SNX5: variants seen among roughly 807,000 people sequenced by gnomAD.
SNX5 encodes the protein sorting nexin-5.
SNX5 carries 31 observed loss-of-function variants against 53.9 expected under a neutral mutation model. That is an observed-to-expected ratio of 0.58 (90% CI 0.43 to 0.78). The LOEUF is 0.78. Among genes scored for constraint, SNX5 ranks in the 30% least tolerant of loss-of-function variants. The pLI, the probability that SNX5 is intolerant of heterozygous loss-of-function variation, is 0.00. For synonymous variants in SNX5, 168 were observed against 171.1 expected, an observed-to-expected ratio of 0.98 and a Z score of 0.14; for missense variants, 471 against 478.8, an observed-to-expected ratio of 0.98 and a Z score of 0.15.
chr20:17,953,186 C>G (rs1410163154), intron 4 of SNX5, among the ~76,000 whole-genome samples: 1 of 152,116 alleles, frequency 6.6e-6, no homozygotes, highest in African/African-American at 2.4e-5. Flanking sequence ...TTCCCCAGAG[C>G]TGGTCCCGAG....
intron 2 of SNX5, among the ~76,000 whole-genome samples, chr20:17,956,285 T>C (rs1039419516): frequency 6.6e-6 from 1 of 152,244 alleles, no homozygotes; most frequent in Non-Finnish European, 1.5e-5. Flanking sequence ...CCAGTCTTTT[T>C]ACACTACCTC....
At chr20:17,955,827 C>A (rs1339796010) in intron 2 of SNX5, among the ~76,000 whole-genome samples, 1 of 152,084 alleles carries the variant, frequency 6.6e-6, no homozygotes, top group African/African-American at 2.4e-5. Context: ...TGGCTGTCAC[C>A]CAGGCTGGAG....
intron 1 of SNX5, among the ~76,000 whole-genome samples, chr20:17,959,530 C>T (rs535236699): frequency 6.2e-4 from 94 of 152,308 alleles, no homozygotes; most frequent in African/African-American, 2.1e-3. Flanking sequence ...ACTCCAATCA[C>T]TTGACATGAC....
intron 1 of SNX5, among the ~76,000 whole-genome samples, chr20:17,957,317 C>T (rs1276082891): frequency 6.6e-6 from 1 of 151,866 alleles, no homozygotes; most frequent in Non-Finnish European, 1.5e-5. Context: ...CACCTGTAGT[C>T]CCAGCTACTT....
chr20:17,953,096 C>T (rs1186489963), intron 4 of SNX5, among the ~76,000 whole-genome samples: 3 of 152,184 alleles, frequency 2.0e-5, no homozygotes, highest in African/African-American at 7.2e-5. Flanking sequence ...TACAAAGCAG[C>T]TTTATCTCAA....
intron 4 of SNX5, among the ~76,000 whole-genome samples, chr20:17,953,326 G>A (rs1300742820): frequency 1.3e-5 from 2 of 152,222 alleles, no homozygotes; most frequent in East Asian, 1.9e-4. Context: ...CAGCTAAGAT[G>A]AGGAAATGCA....
chr20:17,954,182 C>G (rs2035314796), intron 3 of SNX5, 65 bp from the exon 4 acceptor site: 1 of 1,595,632 alleles, frequency 6.3e-7, no homozygotes, highest in Non-Finnish European at 8.5e-7. Context: ...GTTGGTGCCT[C>G]ATTCTACTCT....
intron 1 of SNX5, 73 bp from the exon 2 acceptor site, chr20:17,957,110 A>T: frequency 1.1e-6 from 1 of 890,778 alleles, no homozygotes. Context: ...ATGAGTAGTT[A>T]CTAAAAAGCA....
intron 1 of SNX5, among the ~76,000 whole-genome samples, chr20:17,964,776 C>G (rs1278623628): frequency 6.6e-6 from 1 of 152,132 alleles, no homozygotes; most frequent in Admixed American, 6.5e-5. Flanking sequence ...GCTCGAGCAT[C>G]AAGACCCTGA....
At chr20:17,952,209 C>G (rs528999371) in intron 5 of SNX5, among the ~76,000 whole-genome samples, 6 of 151,960 alleles carry the variant, frequency 3.9e-5, no homozygotes, top group Non-Finnish European at 8.8e-5. Flanking sequence ...GATGACAGAG[C>G]GAGATTCTGC....
intron 1 of SNX5, 175 bp downstream of exon 1, chr20:17,968,200 C>A (rs2122452609): frequency 2.3e-6 from 1 of 427,048 alleles, no homozygotes; most frequent in East Asian, 3.5e-5. Context: ...AGGGATTCCC[C>A]GGGGCAGCCT....
intron 11 of SNX5, chr20:17,943,405 A>G (rs2122336489): frequency 1.9e-6 from 1 of 522,802 alleles, no homozygotes; most frequent in Admixed American, 3.4e-5. Context: ...AGTGGAAAAC[A>G]TCACTGAATC....
In SNX5 at chr20:17,968,542, CTCCCT is replaced by C. The variant is rs1265784752; in HGVS notation, c.-122_-118del. The C allele has an allele frequency of 2.0e-6, 2 of 1,005,928 alleles. No homozygotes were observed. The highest frequency in any genetic ancestry group is 2.8e-6 in the Non-Finnish European group (2 of 726,018). The allele number at this position is 1,005,928 out of a possible 1,614,324, so 62.3% of individuals were successfully genotyped here. ...CGGCCACGGCCCCGCCTCCGCCGGC[CTCCCT>C]GCCCGACGGCGGCAGGAGGCCTCCG... On this transcript the variant is annotated 5_prime_UTR_variant, in exon 1 of 13. Coordinates refer to ENST00000377759, the MANE Select transcript of SNX5 (RefSeq NM_014426.4).
rs1250585416 is a variant in SNX5 at position 17,943,145 on chromosome 20, T to C, written c.1129A>G (p.Ile377Val). 3 of 1,609,934 alleles carry C rather than the reference T, an allele frequency of 1.9e-6. No homozygotes were observed. Among genetic ancestry groups the C allele is most frequent in the Non-Finnish European group, 2.6e-6 (3 of 1,176,356 alleles). Residue 377 changes from isoleucine (I) to valine (V), a missense_variant, in exon 12 of 13, where the codon ATT becomes GTT. Coordinates refer to ENST00000377759, the MANE Select transcript of SNX5 (RefSeq NM_014426.4). The stretch of plus-strand genomic sequence containing the variant: ...TTTATTTCCAGTTCAGACATTTCAA[T>C]TAGATTCTTTCTAAATGCTGCCACT... ...KRVAAFRKNLIEMSELEIKHA... is the reference protein window; with the variant it reads ...KRVAAFRKNLVEMSELEIKHA...
chr20:17,953,990 ACTTACG>A lies in SNX5; in HGVS notation c.389_389+5del, dbSNP rs750655502. The A allele has an allele frequency of 6.2e-7, 1 of 1,612,022 alleles. No homozygotes were observed. The highest frequency in any genetic ancestry group is 1.3e-5 in the African/African-American group (1 of 74,846). ...AAGACAGAGCCCACCAGGAAAATCC[ACTTACG>A]CTTCCAGTTCTTGTTTCATCTTGGC... On this transcript the variant is annotated splice_donor_variant and splice_donor_5th_base_variant and coding_sequence_variant and intron_variant, in exon 4 of 13. Transcript: ENST00000377759. LOFTEE classifies it high-confidence loss of function.
rs773254681 is a variant in SNX5 at position 17,968,654 on chromosome 20, C to A, written c.-229G>T. On this transcript the variant is annotated 5_prime_UTR_variant, in exon 1 of 13. Coordinates refer to ENST00000377759, the MANE Select transcript of SNX5 (RefSeq NM_014426.4). The stretch of plus-strand genomic sequence containing the variant: ...CCCCAGAGCAGCCTCCCAGTCCCCG[C>A]TGCCGTCCATCTTGGAGCCGGGCAA... The A allele has an allele frequency of 1.6e-5, 10 of 608,598 alleles. No homozygotes were observed. The highest frequency in any genetic ancestry group is 1.6e-4 in the South Asian group (10 of 61,082). 37.7% of individuals were successfully genotyped at this position (608,598 alleles called of 1,614,324 possible).
In SNX5 at chr20:17,950,291, T is replaced by C; in HGVS notation, c.715A>G (p.Asn239Asp). The change falls in exon 7 of 13, where the codon AAT becomes GAT. Residue 239 changes from asparagine (N) to aspartate (D), a missense_variant and splice_region_variant. By Grantham distance (23) the Asn-to-Asp change is conservative. Transcript: ENST00000377759. Reference protein sequence around the residue: ...KADKMTRSHKNVADDYIHTAA... With the variant: ...KADKMTRSHKDVADDYIHTAA... ...CTGACTAGCGGTAAATGATATTTAC[T>C]TTTATGAGATCTGGTCATTTTGTCA... 6.2e-7 allele frequency: 1 copy of C among 1,611,110 alleles called. No homozygotes were observed. Among genetic ancestry groups the C allele is most frequent in the Non-Finnish European group, 8.5e-7 (1 of 1,177,230 alleles).
chr20:17,951,602 G>T lies in SNX5; in HGVS notation c.514-7C>A. On this transcript the variant is annotated splice_region_variant and splice_polypyrimidine_tract_variant and intron_variant, in intron 5 of 12. Transcript: ENST00000377759. The stretch of plus-strand genomic sequence containing the variant: ...TTTTCCGCCTAACACTTAGCTAAAA[G>T]AAGAAAATTCCAAAGAGTTTATATG... The T allele has an allele frequency of 6.3e-7, 1 of 1,586,344 alleles. No individual in the cohort carries two copies. The highest frequency in any genetic ancestry group is 8.7e-7 in the Non-Finnish European group (1 of 1,155,472).
Position 17,956,922 on chromosome 20 carries a change from A to G in SNX5, c.156+11T>C. ...CTAGCACTGTATGTATTACCACTGC[A>G]TGTTACTTACCTTTGTGTGCACTGT... On this transcript the variant is annotated intron_variant, in intron 2 of 12. Coordinates refer to ENST00000377759, the MANE Select transcript of SNX5 (RefSeq NM_014426.4). 2.9e-6 allele frequency: 4 copies of G among 1,372,468 alleles called. No homozygotes were observed. Among genetic ancestry groups the G allele is most frequent in the Non-Finnish European group, 4.2e-6 (4 of 960,768 alleles). The allele number at this position is 1,372,468 out of a possible 1,614,324, so 85.0% of individuals were successfully genotyped here. A position where few individuals can be genotyped will look rare whatever the true frequency, so the allele number is the denominator to read the frequency against.
Sources: gnomAD v4.1 joint callset for allele counts (sites outside exome capture counted in the v4.1 genomes callset) on GRCh38, gnomAD v4.1.1 for gene constraint, MANE v1.5 for transcripts, NCBI Gene and HGNC (gene_info 2026-07-23, HGNC 2026-07-21) for gene names.